DENND2C: variants seen among roughly 807,000 people sequenced by gnomAD.
DENND2C encodes the protein DENN domain-containing protein 2C.
A neutral mutation model predicts 112.4 loss-of-function variants in DENND2C; 72 were observed. The ratio of observed to expected loss-of-function variants is 0.64; its 90% CI spans 0.53 to 0.78. The LOEUF (loss-of-function observed/expected upper bound fraction) is 0.78, where lower values mean the gene tolerates loss of function less well. Among genes scored for constraint, DENND2C ranks in the 30% least tolerant of loss-of-function variants. DENND2C has a pLI of 0.00. For synonymous variants in DENND2C, 329 were observed against 381.6 expected, an observed-to-expected ratio of 0.86 and a Z score of 1.61; for missense variants, 992 against 1,113.8, an observed-to-expected ratio of 0.89 and a Z score of 1.56.
chr1:114,590,531 C>T (rs1354072109), intron 18 of DENND2C, among the ~76,000 whole-genome samples: 5 of 152,140 alleles, frequency 3.3e-5, no homozygotes, highest in African/African-American at 1.2e-4. Context: ...GTAATCCCAG[C>T]ACTTTGGGAG....
At chr1:114,669,950 T>G (rs1276986569) in intron 1 of DENND2C, 33 bp downstream of exon 1, 2 of 152,414 alleles carry the variant, frequency 1.3e-5, no homozygotes, top group East Asian at 3.9e-4. Context: ...CCCTGCGGCT[T>G]AAAACCCCGC....
intron 8 of DENND2C, among the ~76,000 whole-genome samples, chr1:114,616,496 A>T (rs1225994860): frequency 1.3e-5 from 2 of 152,178 alleles, no homozygotes; most frequent in Admixed American, 1.3e-4. Context: ...AGGAACTTAT[A>T]AACAAAAACT....
intron 3 of DENND2C, among the ~76,000 whole-genome samples, chr1:114,632,594 T>C (rs1174666167): frequency 6.6e-6 from 1 of 152,178 alleles, no homozygotes; most frequent in East Asian, 1.9e-4. Flanking sequence ...CAGGCCTGCA[T>C]TCAGAGCCAG....
intron 7 of DENND2C, 147 bp from the exon 8 acceptor site, chr1:114,618,629 A>G: frequency 2.2e-6 from 1 of 461,142 alleles, no homozygotes; most frequent in Non-Finnish European, 3.8e-6. Context: ...TGGATTTAAA[A>G]TGATGATCTT....
At chr1:114,613,241 A>G (rs1462995624) in intron 8 of DENND2C, among the ~76,000 whole-genome samples, 1 of 150,972 alleles carries the variant, frequency 6.6e-6, no homozygotes, top group Non-Finnish European at 1.5e-5. Context: ...AAGTACATTA[A>G]TTAAGCTTTT....
intron 1 of DENND2C, among the ~76,000 whole-genome samples, chr1:114,665,367 G>C (rs1383277665): frequency 1.3e-5 from 2 of 151,964 alleles, no homozygotes; most frequent in Non-Finnish European, 2.9e-5. Flanking sequence ...CTACGTTCTT[G>C]TGTAGCTGTG....
In DENND2C at chr1:114,625,764, G is replaced by C. The variant is rs772972284; in HGVS notation, c.221C>G (p.Thr74Ser). ...ATCTAGACCCACATTTTCACGGCTGGTTACATCCAAGTTTTTGCTCTTTCT... is the reference window on the plus strand; with the variant it reads ...ATCTAGACCCACATTTTCACGGCTGCTTACATCCAAGTTTTTGCTCTTTCT... ...AERKSKNLDV[T>S]SRENVGLDIN... Residue 74 changes from threonine to serine, a missense_variant, in exon 4 of 21, where the codon ACC becomes AGC. Coordinates refer to ENST00000393274, the MANE Select transcript of DENND2C (RefSeq NM_001256404.2). The C allele has an allele frequency of 1.2e-6, 2 of 1,613,998 alleles. No individual in the cohort carries two copies. Among genetic ancestry groups the C allele is most frequent in the Non-Finnish European group, 1.7e-6 (2 of 1,180,010 alleles).
chr1:114,600,995 AG>A, intron 13 of DENND2C, 35 bp from the exon 14 acceptor site: 2 of 1,582,558 alleles, frequency 1.3e-6, no homozygotes, highest in Non-Finnish European at 1.7e-6. Flanking sequence ...TTATGGACTA[AG>A]TTAAAAAATA....
chr1:114,629,309 C>G lies in DENND2C; in HGVS notation c.-204-3121G>C, dbSNP rs546033383. On this transcript the variant is annotated intron_variant, in intron 3 of 20. Transcript: ENST00000393274. ...TTTTCTTTTATGAGATGAAGTTTTG[C>G]TCTTGTTGCCCAGGCTGGAGTGCAA... Among the ~76,000 whole-genome samples the G allele has an allele frequency of 6.6e-5, 10 of 152,282 alleles. 1 individual carries two copies. The South Asian group carries it at 1.9e-3, about 28-fold the overall frequency.
chr1:114,653,682 ATGG>A (rs770481020), intron 2 of DENND2C, among the ~76,000 whole-genome samples: 13 of 152,146 alleles, frequency 8.5e-5, no homozygotes, highest in Non-Finnish European at 1.9e-4. Context: ...CAGGATCTGA[ATGG>A]TGGAATAATG....
rs2101643310 is a variant in DENND2C at position 114,594,556 on chromosome 1, A to G, written c.2348T>C (p.Leu783Pro). Reference protein sequence around the residue: ...LQEVSDEDEILPPKLQAALMQ... With the variant: ...LQEVSDEDEIPPPKLQAALMQ... ...CAGGGCAGCTTGAAGTTTTGGTGGT[A>G]GAATTTCATCCTCATCAGATACCTT... is the stretch of plus-strand genomic sequence containing the variant. Residue 783 changes from leucine to proline, a missense_variant, in exon 18 of 21, where the codon CTA becomes CCA. Leu to Pro is a moderately conservative substitution (Grantham distance 98). Coordinates refer to ENST00000393274, the MANE Select transcript of DENND2C (RefSeq NM_001256404.2). 1 of 1,613,824 alleles carries G rather than the reference A, an allele frequency of 6.2e-7. No homozygotes were observed. The highest frequency in any genetic ancestry group is 1.1e-5 in the South Asian group (1 of 91,086).
intron 3 of DENND2C, among the ~76,000 whole-genome samples, chr1:114,639,969 G>T (rs370635882): frequency 2.1e-5 from 3 of 144,244 alleles, no homozygotes; most frequent in African/African-American, 7.3e-5. Context: ...TAATATGTGG[G>T]ACTGCATAAT....
chr1:114,647,645 C>A (rs962896178), intron 2 of DENND2C, among the ~76,000 whole-genome samples: 1 of 150,804 alleles, frequency 6.6e-6, no homozygotes, highest in Non-Finnish European at 1.5e-5. Flanking sequence ...GGTCTGTGAC[C>A]CCTAACCTCA....
Position 114,627,093 on chromosome 1 carries a change from T to C in DENND2C, c.-204-905A>G, listed in dbSNP as rs1412279855. 2.0e-5 allele frequency among the ~76,000 whole-genome samples: 3 copies of C among 152,262 alleles called. No individual in the cohort carries two copies. In the East Asian group the frequency reaches 5.8e-4, roughly 29 times the overall value. On this transcript the variant is annotated intron_variant, in intron 3 of 20. Transcript: ENST00000393274. ...AACTATCAGTTGCCTTAAAATGTAA[T>C]AACCTATTTGACGACTGGACTTCCC...
At chr1:114,600,683 G>A in intron 14 of DENND2C, 137 bp downstream of exon 14, 1 of 1,203,964 alleles carries the variant, frequency 8.3e-7, no homozygotes, top group African/African-American at 1.5e-5. Context: ...TATTTCTCCA[G>A]TGCTTTATGG....
At chr1:114,593,880 T>C (rs1655264541) in intron 18 of DENND2C, among the ~76,000 whole-genome samples, 1 of 152,184 alleles carries the variant, frequency 6.6e-6, no homozygotes, top group Admixed American at 6.5e-5. Flanking sequence ...GATTAAATAA[T>C]GATACCTGCT....
chr1:114,618,519 C>T (rs12145066), intron 7 of DENND2C, 37 bp from the exon 8 acceptor site: 325,114 of 1,311,778 alleles, frequency 0.25, 44,822 homozygotes, highest in Non-Finnish European at 0.28. Context: ...TTAAGACCAA[C>T]ACCCAAAAGT....
At chr1:114,610,193 C>T (rs11102824) in intron 9 of DENND2C, among the ~76,000 whole-genome samples, 36,913 of 152,092 alleles carry the variant, frequency 0.24, 4,880 homozygotes, top group Middle Eastern at 0.29. Context: ...GCTGTGATAA[C>T]TAGAAAGCAT....
chr1:114,609,352 A>G (rs1454128318), intron 9 of DENND2C, among the ~76,000 whole-genome samples: 1 of 152,238 alleles, frequency 6.6e-6, no homozygotes, highest in Admixed American at 6.5e-5. Context: ...GATAAATTAA[A>G]ATAAAAATTT....
Sources: allele counts gnomAD v4.1 joint callset (sites outside exome capture counted in the v4.1 genomes callset), GRCh38; gene constraint gnomAD v4.1.1; transcripts MANE v1.5; gene names NCBI Gene and HGNC (gene_info 2026-07-23, HGNC 2026-07-21).